Variants in PRKAG2 observed in about 807,000 individuals in gnomAD.
PRKAG2 encodes the protein protein kinase AMP-activated non-catalytic subunit gamma 2.
A neutral mutation model predicts 69.6 loss-of-function variants in PRKAG2; 26 were observed. The observed-to-expected ratio is 0.37, with a 90% confidence interval of 0.27 to 0.52. The LOEUF is 0.52. PRKAG2 is among the 20% of genes least tolerant of loss of function. PRKAG2 has a pLI of 0.90. For missense variants in PRKAG2, 557 were observed against 740.0 expected (o/e 0.75, Z 2.87); for synonymous variants, 293 against 285.0 (o/e 1.03, Z -0.28).
chr7:151,764,815 T>C (rs1433370372), intron 3 of PRKAG2, among the ~76,000 whole-genome samples: 3 of 152,166 alleles, frequency 2.0e-5, no homozygotes, highest in African/African-American at 2.4e-5. Context: ...GGCCTCAAGG[T>C]TGTAGAGAGA....
At chr7:151,588,279 A>T (rs1812170577) in intron 6 of PRKAG2, among the ~76,000 whole-genome samples, 1 of 151,358 alleles carries the variant, frequency 6.6e-6, no homozygotes, top group Non-Finnish European at 1.5e-5. Flanking sequence ...GTGTCATGGG[A>T]GGGACCCAGT....
At chr7:151,648,001 T>G (rs1481960260) in intron 4 of PRKAG2, among the ~76,000 whole-genome samples, 1 of 152,022 alleles carries the variant, frequency 6.6e-6, no homozygotes, top group Non-Finnish European at 1.5e-5. Flanking sequence ...TGGGCCTGTG[T>G]GAGGTAATAA....
chr7:151,580,489 A>G (rs949118391), intron 6 of PRKAG2, among the ~76,000 whole-genome samples: 1 of 152,240 alleles, frequency 6.6e-6, no homozygotes, highest in Non-Finnish European at 1.5e-5. Flanking sequence ...AAGCCAGAGT[A>G]ATGATATCCT....
chr7:151,589,546 G>A (rs1380183486), intron 6 of PRKAG2, among the ~76,000 whole-genome samples: 1 of 152,240 alleles, frequency 6.6e-6, no homozygotes, highest in Non-Finnish European at 1.5e-5. Flanking sequence ...TCAGTTACCA[G>A]TTAATTTAGA....
chr7:151,670,067 C>T (rs1410144550), intron 4 of PRKAG2, among the ~76,000 whole-genome samples: 1 of 150,308 alleles, frequency 6.7e-6, no homozygotes, highest in Non-Finnish European at 1.5e-5. Flanking sequence ...TACCCGCATG[C>T]ACACTCACCT....
intron 3 of PRKAG2, among the ~76,000 whole-genome samples, chr7:151,741,138 G>A (rs560825798): frequency 9.3e-4 from 141 of 152,034 alleles, no homozygotes; most frequent in African/African-American, 3.1e-3. Context: ...GCTTGAGCCC[G>A]GGAGGTCCAG....
At chr7:151,617,730 G>A (rs1242592576) in intron 5 of PRKAG2, among the ~76,000 whole-genome samples, 2 of 151,910 alleles carry the variant, frequency 1.3e-5, no homozygotes, top group African/African-American at 4.8e-5. Flanking sequence ...AGAATGAAAT[G>A]CATTTTAAAA....
chr7:151,826,203 CAG>C (rs201209083), intron 1 of PRKAG2, among the ~76,000 whole-genome samples: 1,610 of 151,222 alleles, frequency 0.011, 21 homozygotes, highest in African/African-American at 0.033. Context: ...TTTTTTTTGA[CAG>C]AGTCTTGCTC....
chr7:151,621,540 A>G lies in PRKAG2; in HGVS notation c.754+10529T>C, dbSNP rs566796595. Among the ~76,000 whole-genome samples, 13 of 152,090 alleles carry G rather than the reference A, an allele frequency of 8.5e-5. No homozygotes were observed. In the South Asian group the frequency reaches 2.5e-3, roughly 29 times the overall value. On this transcript the variant is annotated intron_variant, in intron 5 of 15. Transcript: ENST00000287878. Reference sequence around the variant, plus strand: ...ACAAAACAAAACAAAACAAAACAAAAAACCAACAAAAATAGTTTGAGATAT... The same window carrying G: ...ACAAAACAAAACAAAACAAAACAAAGAACCAACAAAAATAGTTTGAGATAT...
chr7:151,808,981 A>T, intron 1 of PRKAG2, among the ~76,000 whole-genome samples: 1 of 151,574 alleles, frequency 6.6e-6, no homozygotes, highest in Non-Finnish European at 1.5e-5. Context: ...CCTCCTCCCC[A>T]CTCCACGGCC....
At chr7:151,854,330 C>T (rs907445541) in intron 1 of PRKAG2, among the ~76,000 whole-genome samples, 10 of 152,244 alleles carry the variant, frequency 6.6e-5, no homozygotes, top group Non-Finnish European at 1.5e-4. Flanking sequence ...TGCACACACA[C>T]GTGTGCACAC....
intron 5 of PRKAG2, among the ~76,000 whole-genome samples, chr7:151,618,007 T>A (rs1171245842): frequency 6.6e-6 from 1 of 151,978 alleles, no homozygotes; most frequent in Admixed American, 6.6e-5. Flanking sequence ...CAGTCAAAAG[T>A]ATATGGAAGA....
In PRKAG2 at chr7:151,760,379, G is replaced by C. The variant is rs566652609; in HGVS notation, c.466+20773C>G. 1.1e-3 allele frequency among the ~76,000 whole-genome samples: 170 copies of C among 152,308 alleles called. 1 individual carries two copies. The highest frequency in any genetic ancestry group is 1.0e-3 in the Non-Finnish European group (69 of 68,030). ...AGCCTCCTGAGTAGCTGGGATTACA[G>C]GCACCCACCATGCCCGGCTAATTTT... On this transcript the variant is annotated intron_variant, in intron 3 of 15. Transcript: ENST00000287878.
chr7:151,559,588 G>A (rs1208389883), intron 15 of PRKAG2: 25 of 985,234 alleles, frequency 2.5e-5, no homozygotes, highest in South Asian at 1.4e-4. Context: ...CTCATTTAGC[G>A]AATAAGACAT....
intron 5 of PRKAG2, among the ~76,000 whole-genome samples, chr7:151,613,416 C>T (rs1416467170): frequency 6.6e-6 from 1 of 152,104 alleles, no homozygotes; most frequent in African/African-American, 2.4e-5. Context: ...TAGGAATGCT[C>T]AACTGGTATG....
At chr7:151,636,731 G>C (rs1378368456) in intron 4 of PRKAG2, among the ~76,000 whole-genome samples, 1 of 152,078 alleles carries the variant, frequency 6.6e-6, no homozygotes, top group East Asian at 1.9e-4. Flanking sequence ...TTGAAATGGA[G>C]TCTCACTCTG....
At chr7:151,595,592 A>C in intron 5 of PRKAG2, 138 bp from the exon 6 acceptor site, 1 of 697,168 alleles carries the variant, frequency 1.4e-6, no homozygotes, top group South Asian at 1.5e-5. Context: ...AGGGCCAGGC[A>C]AGGATGCTCA....
intron 14 of PRKAG2, among the ~76,000 whole-genome samples, chr7:151,560,990 T>C (rs926850681): frequency 2.0e-5 from 3 of 152,128 alleles, no homozygotes; most frequent in Non-Finnish European, 4.4e-5. Flanking sequence ...GACAGACCCA[T>C]ACGATGACCT....
intron 3 of PRKAG2, among the ~76,000 whole-genome samples, chr7:151,773,249 G>GAAA (rs2076176054): frequency 2.7e-5 from 4 of 146,636 alleles, no homozygotes; most frequent in African/African-American, 1.0e-4. Flanking sequence ...AAAGAAAGAA[G>GAAA]GAAAGAAAGA....
Sources: gnomAD v4.1 joint callset for allele counts (sites outside exome capture counted in the v4.1 genomes callset) on GRCh38, gnomAD v4.1.1 for gene constraint, MANE v1.5 for transcripts, NCBI Gene and HGNC (gene_info 2026-07-23, HGNC 2026-07-21) for gene names.